The following RGS7 variants were observed in gnomAD, a reference collection of about 807,000 sequenced individuals.
RGS7 encodes the protein regulator of G protein signaling 7.
Under a neutral mutation model 81.1 loss-of-function variants are expected in RGS7, and 27 were observed. The observed-to-expected ratio is 0.33, with a 90% CI of 0.25 to 0.46. RGS7 has a LOEUF of 0.46. Ranked by LOEUF, RGS7 falls within the 20% of genes least tolerant of loss-of-function variation. RGS7 has a pLI of 1.00. For synonymous variants in RGS7, 208 were observed against 207.7 expected (o/e 1.00, Z -0.01); for missense variants, 396 against 607.4 (o/e 0.65, Z 3.66).
chr1:241,221,901 C>G (rs2075038758), intron 2 of RGS7, among the ~76,000 whole-genome samples: 1 of 152,156 alleles, frequency 6.6e-6, no homozygotes. Context: ...CTCTCTCTCT[C>G]TCTCTTTATA....
At chr1:240,932,023 C>T (rs1364967766) in intron 5 of RGS7, among the ~76,000 whole-genome samples, 1 of 152,150 alleles carries the variant, frequency 6.6e-6, no homozygotes, top group Admixed American at 6.5e-5. Context: ...TAGCTAATTA[C>T]ACTAACTACC....
chr1:240,814,466 C>T (rs1221702885), intron 12 of RGS7, among the ~76,000 whole-genome samples: 1 of 152,194 alleles, frequency 6.6e-6, no homozygotes, highest in Non-Finnish European at 1.5e-5. Flanking sequence ...TCCTCTATAT[C>T]TGATTCTTAG....
chr1:240,970,997 TAAATA>T (rs1267463547), intron 4 of RGS7, among the ~76,000 whole-genome samples: 2 of 144,254 alleles, frequency 1.4e-5, no homozygotes, highest in East Asian at 1.9e-4. Context: ...ATAAAATAAA[TAAATA>T]AAATAAAAAT....
intron 2 of RGS7, among the ~76,000 whole-genome samples, chr1:241,255,898 G>A (rs917924268): frequency 6.6e-6 from 1 of 152,158 alleles, no homozygotes; most frequent in Non-Finnish European, 1.5e-5. Context: ...AATTCTGACT[G>A]GGGCTCCACA....
chr1:241,097,814 C>T (rs1004336245), intron 3 of RGS7, among the ~76,000 whole-genome samples: 3 of 152,126 alleles, frequency 2.0e-5, no homozygotes, highest in African/African-American at 4.8e-5. Context: ...ATCAAACCCG[C>T]GGGGGTTCCT....
rs753774391 is a variant in RGS7, at chr1:240,870,132, T to G, written c.386-13A>C. 7.1e-5 allele frequency: 115 copies of G among 1,610,034 alleles called. No individual in the cohort carries two copies. The highest frequency in any genetic ancestry group is 9.3e-5 in the Non-Finnish European group (109 of 1,176,480). On this transcript the variant is annotated splice_polypyrimidine_tract_variant and intron_variant, in intron 6 of 18. Transcript: ENST00000440928. Reference sequence around the variant, plus strand: ...CAGAGGTAAACGGCTGAAAAAAAAATCAATCATTTCTTGCCTGCTTATCAA... The same window carrying G: ...CAGAGGTAAACGGCTGAAAAAAAAAGCAATCATTTCTTGCCTGCTTATCAA...
In RGS7 at chr1:241,165,305, G is replaced by A. The variant is rs112749857; in HGVS notation, c.79-66543C>T. Reference sequence around the variant, plus strand: ...TTACAGAATCTATGCTAGGGGTCGAGCACACAATATTTAGACACATGCACA... The same window carrying A: ...TTACAGAATCTATGCTAGGGGTCGAACACACAATATTTAGACACATGCACA... On this transcript the variant is annotated intron_variant, in intron 2 of 18. Transcript: ENST00000440928. 1.3e-3 allele frequency among the ~76,000 whole-genome samples: 198 copies of A among 152,252 alleles called. 1 individual carries two copies. Among genetic ancestry groups the A allele is most frequent in the African/African-American group, 4.5e-3 (185 of 41,532 alleles).
intron 3 of RGS7, among the ~76,000 whole-genome samples, chr1:241,057,902 G>A (rs1400172479): frequency 1.3e-5 from 2 of 152,148 alleles, no homozygotes; most frequent in Non-Finnish European, 2.9e-5. Flanking sequence ...TAAATTTATA[G>A]GTTGTGAATC....
In RGS7 at chr1:241,010,698, C is replaced by T. The variant is rs529900172; in HGVS notation, c.176-27569G>A. The stretch of plus-strand genomic sequence containing the variant: ...AACATTCAGAAGACCAGGCCCTTTG[C>T]GGTTTTGTGACTTTCAAGTTAATGT... On this transcript the variant is annotated intron_variant, in intron 3 of 18. Transcript: ENST00000440928. Among the ~76,000 whole-genome samples the T allele has an allele frequency of 4.6e-5, 7 of 152,272 alleles. No individual in the cohort carries two copies. The Middle Eastern group carries it at 0.01, about 222-fold the overall frequency.
At chr1:241,058,439 T>C (rs186031979) in intron 3 of RGS7, among the ~76,000 whole-genome samples, 2 of 152,352 alleles carry the variant, frequency 1.3e-5, no homozygotes, top group Admixed American at 1.3e-4. Context: ...TCCTCTGAGA[T>C]GCCCTCTTGG....
intron 3 of RGS7, among the ~76,000 whole-genome samples, chr1:240,997,446 AT>A (rs1254967421): frequency 1.3e-5 from 2 of 152,118 alleles, no homozygotes; most frequent in Non-Finnish European, 2.9e-5. Context: ...CCAATTTTTA[AT>A]GTTTTTTAGC....
intron 2 of RGS7, among the ~76,000 whole-genome samples, chr1:241,202,780 GAGT>G (rs1258654891): frequency 6.9e-6 from 1 of 144,744 alleles, no homozygotes; most frequent in African/African-American, 2.8e-5. Flanking sequence ...GGGGCAGTTA[GAGT>G]AGTATTTTTA....
At position 241,194,148 on chromosome 1, in the gene RGS7, CT is replaced by C. The variant is rs2072893342; in HGVS notation, c.79-95387del. 2.6e-5 allele frequency among the ~76,000 whole-genome samples: 4 copies of C among 152,116 alleles called. No individual in the cohort carries two copies. In the South Asian group the frequency reaches 8.3e-4, roughly 31 times the overall value. On this transcript the variant is annotated intron_variant, in intron 2 of 18. Coordinates refer to ENST00000440928, the MANE Select transcript of RGS7 (RefSeq NM_001364886.1). ...CTACACCAAACCTAAATTTTTTCTTCTTCTAACTTTATGTCCTAATTTTCTT... is the reference window on the plus strand; with the variant it reads ...CTACACCAAACCTAAATTTTTTCTTCTCTAACTTTATGTCCTAATTTTCTT...
chr1:240,915,490 TAAG>T lies in RGS7; in HGVS notation c.385+15224_385+15226del, dbSNP rs561556231. ...AGAACTGTATGACCCATGCCTTATT[TAAG>T]AAGAAGTTTCTAGGAAAACCCAAAG... is the stretch of plus-strand genomic sequence containing the variant. On this transcript the variant is annotated intron_variant, in intron 6 of 18. Coordinates refer to ENST00000440928, the MANE Select transcript of RGS7 (RefSeq NM_001364886.1). Among the ~76,000 whole-genome samples, 139 of 152,256 alleles carry T rather than the reference TAAG, an allele frequency of 9.1e-4. 1 individual carries two copies. Among genetic ancestry groups the T allele is most frequent in the African/African-American group, 3.2e-3 (135 of 41,552 alleles).
intron 3 of RGS7, among the ~76,000 whole-genome samples, chr1:241,059,621 G>C (rs1487037215): frequency 6.6e-6 from 1 of 152,098 alleles, no homozygotes; most frequent in Non-Finnish European, 1.5e-5. Context: ...TATAGGAAGG[G>C]GGTGTAAAGA....
intron 2 of RGS7, among the ~76,000 whole-genome samples, chr1:241,103,098 G>A (rs77934354): frequency 0.043 from 6,483 of 151,738 alleles, 231 homozygotes; most frequent in African/African-American, 0.089. Flanking sequence ...AAAATATTTG[G>A]GGCAATTTAG....
chr1:241,240,302 G>A (rs897069705), intron 2 of RGS7, among the ~76,000 whole-genome samples: 2 of 152,172 alleles, frequency 1.3e-5, no homozygotes, highest in African/African-American at 4.8e-5. Context: ...TAACTCAGTG[G>A]GCTGATCCTG....
chr1:241,102,784 C>T (rs2064850361), intron 2 of RGS7, among the ~76,000 whole-genome samples: 1 of 152,078 alleles, frequency 6.6e-6, no homozygotes, highest in African/African-American at 2.4e-5. Flanking sequence ...CAAGCTGGCT[C>T]AACAAGCTTC....
chr1:241,001,753 A>G (rs1321084142), intron 3 of RGS7, among the ~76,000 whole-genome samples: 1 of 152,188 alleles, frequency 6.6e-6, no homozygotes, highest in African/African-American at 2.4e-5. Context: ...GGAGAGAGTA[A>G]AAAGATCACT....
Sources: gnomAD v4.1 joint callset for allele counts (sites outside exome capture counted in the v4.1 genomes callset) on GRCh38, gnomAD v4.1.1 for gene constraint, MANE v1.5 for transcripts, NCBI Gene and HGNC (gene_info 2026-07-23, HGNC 2026-07-21) for gene names.